The following B3GALT1 variants were observed in gnomAD, a reference collection of about 807,000 sequenced individuals.
B3GALT1 encodes the protein beta-1,3-galactosyltransferase 1.
Under a neutral mutation model 23.2 loss-of-function variants are expected in B3GALT1, and 10 were observed. The observed-to-expected ratio is 0.43, with a 90% CI of 0.27 to 0.73. The LOEUF (loss-of-function observed/expected upper bound fraction) is 0.73, where lower values mean the gene tolerates loss of function less well. Ranked by LOEUF, B3GALT1 falls within the 30% of genes least tolerant of loss-of-function variation. The probability of loss-of-function intolerance (pLI) is 0.21; values close to 1 mark genes in which losing one functional copy is unlikely to be tolerated. For synonymous variants in B3GALT1, 156 were observed against 141.5 expected (o/e 1.10, Z -0.73); for missense variants, 299 against 405.4 (o/e 0.74, Z 2.25).
At position 167,869,962 on chromosome 2, in the gene B3GALT1, C is replaced by T. The variant is rs1367699390; in HGVS notation, c.923C>T (p.Pro308Leu). The T allele has an allele frequency of 6.2e-7, 1 of 1,613,170 alleles. No individual in the cohort carries two copies. The highest frequency in any genetic ancestry group is 8.5e-7 in the Non-Finnish European group (1 of 1,179,424). ...RRVITVHQIS[P>L]EEMHRIWNDM... ...GTTATCACTGTGCATCAGATCTCTC[C>T]AGAAGAAATGCACAGAATCTGGAAT... Residue 308 changes from proline (P) to leucine (L), a missense_variant, in exon 5 of 5, where the codon CCA becomes CTA. Transcript: ENST00000392690. The surrounding 1 kb of genome is among the most constrained non-coding windows in gnomAD (Gnocchi z 6.4).
chr2:167,530,455 A>AGAATGAAT (rs1315774513), intron 2 of B3GALT1, among the ~76,000 whole-genome samples: 1 of 152,214 alleles, frequency 6.6e-6, no homozygotes, highest in African/African-American at 2.4e-5. Flanking sequence ...AAAGAATGAA[A>AGAATGAAT]GAATGAATGG....
At chr2:167,858,361 A>C (rs1690038673) in intron 4 of B3GALT1, among the ~76,000 whole-genome samples, 1 of 151,942 alleles carries the variant, frequency 6.6e-6, no homozygotes, top group Non-Finnish European at 1.5e-5. Flanking sequence ...AAAAAAAAAA[A>C]AAACTGCTTT....
chr2:167,727,805 G>A (rs1158932377), intron 3 of B3GALT1, among the ~76,000 whole-genome samples: 2 of 152,036 alleles, frequency 1.3e-5, no homozygotes, highest in African/African-American at 4.8e-5. Flanking sequence ...AACTTCCAAG[G>A]CCTCACAGGA....
chr2:167,595,045 A>G (rs961146344), intron 2 of B3GALT1, among the ~76,000 whole-genome samples: 2 of 152,194 alleles, frequency 1.3e-5, no homozygotes, highest in Non-Finnish European at 2.9e-5. Flanking sequence ...CAAGGAGCCA[A>G]GTATTTGCTT....
At chr2:167,333,475 CA>C (rs1457834021) in intron 1 of B3GALT1, among the ~76,000 whole-genome samples, 16 of 152,184 alleles carry the variant, frequency 1.1e-4, no homozygotes, top group Admixed American at 3.9e-4. Flanking sequence ...CAGGAGTTGA[CA>C]GTCTGAGAAC....
At chr2:167,791,077 A>C (rs1688431008) in intron 3 of B3GALT1, among the ~76,000 whole-genome samples, 1 of 152,130 alleles carries the variant, frequency 6.6e-6, no homozygotes, top group Admixed American at 6.6e-5. Context: ...AAACACTTAC[A>C]CAGCGCTTCC....
intron 1 of B3GALT1, among the ~76,000 whole-genome samples, chr2:167,302,332 TA>T (rs939630911): frequency 9.2e-5 from 14 of 152,160 alleles, no homozygotes; most frequent in African/African-American, 3.1e-4. Context: ...TAATGATCAT[TA>T]AAAAAATCTA....
intron 2 of B3GALT1, among the ~76,000 whole-genome samples, chr2:167,644,839 C>G (rs1288497569): frequency 5.4e-5 from 8 of 149,244 alleles, no homozygotes; most frequent in Non-Finnish European, 1.2e-4. Context: ...TAATACATTC[C>G]TAATAGATTT....
chr2:167,459,701 T>C (rs1489017101), intron 1 of B3GALT1, among the ~76,000 whole-genome samples: 2 of 152,182 alleles, frequency 1.3e-5, no homozygotes, highest in Non-Finnish European at 2.9e-5. Context: ...GAGTTTTTTA[T>C]TTTTTCATAT....
intron 1 of B3GALT1, among the ~76,000 whole-genome samples, chr2:167,451,099 A>G (rs1413862658): frequency 6.6e-6 from 1 of 151,702 alleles, no homozygotes; most frequent in Non-Finnish European, 1.5e-5. Flanking sequence ...CATTTCTTGT[A>G]TATATGTATT....
chr2:167,722,256 C>T (rs1459659857), intron 3 of B3GALT1, among the ~76,000 whole-genome samples: 1 of 152,102 alleles, frequency 6.6e-6, no homozygotes, highest in East Asian at 1.9e-4. Flanking sequence ...ACAGATACTC[C>T]GAAGATAATG....
chr2:167,326,146 A>T (rs114767899), intron 1 of B3GALT1, among the ~76,000 whole-genome samples: 1 of 147,492 alleles, frequency 6.8e-6, no homozygotes, highest in Non-Finnish European at 1.5e-5. Flanking sequence ...ATGATATCTC[A>T]TTGTGGTTTT....
chr2:167,404,316 C>T (rs1698241256), intron 1 of B3GALT1, among the ~76,000 whole-genome samples: 1 of 152,076 alleles, frequency 6.6e-6, no homozygotes, highest in Non-Finnish European at 1.5e-5. Context: ...CCCATTAGGC[C>T]CCACCTCTTA....
chr2:167,694,685 A>G (rs1686766154), intron 3 of B3GALT1, among the ~76,000 whole-genome samples: 1 of 152,142 alleles, frequency 6.6e-6, no homozygotes, highest in African/African-American at 2.4e-5. Flanking sequence ...AGGTCTAGGT[A>G]TAAAGTTCTT....
intron 3 of B3GALT1, among the ~76,000 whole-genome samples, chr2:167,801,743 C>A (rs1415138772): frequency 2.0e-5 from 3 of 152,168 alleles, no homozygotes; most frequent in African/African-American, 4.8e-5. Flanking sequence ...TGCCATAATA[C>A]AACATGACAA....
chr2:167,310,311 G>C (rs527286487), intron 1 of B3GALT1, among the ~76,000 whole-genome samples: 1 of 152,004 alleles, frequency 6.6e-6, no homozygotes, highest in Non-Finnish European at 1.5e-5. Flanking sequence ...GTTTGAGAGA[G>C]AGGGAGAACA....
chr2:167,691,912 T>C (rs1686720752), intron 3 of B3GALT1, among the ~76,000 whole-genome samples: 1 of 152,070 alleles, frequency 6.6e-6, no homozygotes, highest in Non-Finnish European at 1.5e-5. Context: ...GTACATAAAG[T>C]AAGTAGAGCT....
chr2:167,541,680 C>T (rs1683536325), intron 2 of B3GALT1, among the ~76,000 whole-genome samples: 1 of 134,700 alleles, frequency 7.4e-6, no homozygotes, highest in Admixed American at 7.0e-5. Flanking sequence ...TACTGGGGGC[C>T]TATTAGATTT....
At chr2:167,418,118 T>C (rs780681446) in intron 1 of B3GALT1, among the ~76,000 whole-genome samples, 2 of 152,234 alleles carry the variant, frequency 1.3e-5, no homozygotes, top group Non-Finnish European at 2.9e-5. Flanking sequence ...GGCCATGTTA[T>C]GCTCCTTCGT....
Sources: allele counts gnomAD v4.1 joint callset (sites outside exome capture counted in the v4.1 genomes callset), GRCh38; gene constraint gnomAD v4.1.1; non-coding constraint Gnocchi (gnomAD v3.1); transcripts MANE v1.5; gene names NCBI Gene and HGNC (gene_info 2026-07-23, HGNC 2026-07-21).